The following FLRT1 variants were observed in gnomAD, a reference collection of about 807,000 sequenced individuals.
FLRT1 encodes fibronectin leucine rich transmembrane protein 1.
A neutral mutation model predicts 30.9 loss-of-function variants in FLRT1; 14 were observed. That is an observed-to-expected ratio of 0.45 (90% CI 0.30 to 0.71). The LOEUF (loss-of-function observed/expected upper bound fraction) is 0.71, where lower values mean the gene tolerates loss of function less well. Ranked by LOEUF, FLRT1 falls within the 30% of genes least tolerant of loss-of-function variation. The pLI is 0.08. For missense variants in FLRT1, 737 were observed against 949.2 expected (o/e 0.78, Z 2.94); for synonymous variants, 368 against 430.4 (o/e 0.85, Z 1.80).
At chr11:64,060,746 GT>G (rs1221088331) in intron 1 of FLRT1, 1 of 152,244 alleles carries the variant, frequency 6.6e-6, no homozygotes, top group African/African-American at 2.4e-5. Context: ...CGAGCCCACT[GT>G]ATTTTCACCG....
chr11:64,042,567 C>T (rs1943508320), intron 1 of FLRT1, among the ~76,000 whole-genome samples: 4 of 152,236 alleles, frequency 2.6e-5, no homozygotes, highest in Middle Eastern at 6.8e-3. Context: ...ACCCCCTTGG[C>T]TAGCCAATGG....
intron 1 of FLRT1, among the ~76,000 whole-genome samples, chr11:64,095,615 C>T (rs947477414): frequency 2.6e-5 from 4 of 152,154 alleles, no homozygotes; most frequent in African/African-American, 9.7e-5. Flanking sequence ...GAAGGAAAGG[C>T]GGCTTCCCCC....
rs114842554 is a variant in FLRT1 at position 64,089,168 on chromosome 11, G to A, written c.-1037-14026G>A. On this transcript the variant is annotated intron_variant, in intron 1 of 2. Coordinates refer to ENST00000682287, the MANE Select transcript of FLRT1 (RefSeq NM_013280.5). ...ACCAGCAGCCTTCCAGGCACAGGGC[G>A]GGTCGGGGAGTGATCTGACGGGACA... 4.1e-3 allele frequency among the ~76,000 whole-genome samples: 624 copies of A among 152,338 alleles called. 2 individuals are homozygous for A. Among genetic ancestry groups the A allele is most frequent in the African/African-American group, 0.014 (601 of 41,578 alleles).
rs189628278 is a variant in FLRT1 at position 64,076,833 on chromosome 11, C to T, written c.-1037-26361C>T. On this transcript the variant is annotated intron_variant, in intron 1 of 2. Coordinates refer to ENST00000682287, the MANE Select transcript of FLRT1 (RefSeq NM_013280.5). ...CCTACTGCGTGAGCAGCCCCCCGGT[C>T]CTCCTGCAAGCCTCTTCCTGCCTCC... Among the ~76,000 whole-genome samples the T allele has an allele frequency of 1.5e-3, 228 of 152,320 alleles. 1 individual carries two copies. Among genetic ancestry groups the T allele is most frequent in the Admixed American group, 6.9e-3 (106 of 15,310 alleles).
At chr11:64,041,546 C>T (rs1206934402) in intron 1 of FLRT1, among the ~76,000 whole-genome samples, 1 of 151,444 alleles carries the variant, frequency 6.6e-6, no homozygotes, top group Non-Finnish European at 1.5e-5. Context: ...TCTGAGTGGT[C>T]GCAGAGGTGG....
rs1944717954 is a variant in FLRT1 at position 64,104,149 on chromosome 11, C to T, written c.-82C>T. The T allele has an allele frequency of 6.6e-6, 1 of 152,318 alleles. No individual in the cohort carries two copies. Among genetic ancestry groups the T allele is most frequent in the African/African-American group, 2.4e-5 (1 of 41,440 alleles). The allele number at this position is 152,318 out of a possible 1,614,324, so 9.4% of individuals were successfully genotyped here. On this transcript the variant is annotated 5_prime_UTR_variant, in exon 2 of 3. Transcript: ENST00000682287. Reference sequence around the variant, plus strand: ...CTCCGGACCAGTGACCCCAGTCAAACCCAGAGGGTCTTGGGCGGCAGCGAC... The same window carrying T: ...CTCCGGACCAGTGACCCCAGTCAAATCCAGAGGGTCTTGGGCGGCAGCGAC...
chr11:64,043,233 T>C (rs1413234328), intron 1 of FLRT1, among the ~76,000 whole-genome samples: 1 of 152,178 alleles, frequency 6.6e-6, no homozygotes, highest in Non-Finnish European at 1.5e-5. Context: ...CTTTGGATCA[T>C]TGGACAGGCC....
At chr11:64,041,133 C>A (rs1271737396) in intron 1 of FLRT1, among the ~76,000 whole-genome samples, 1 of 146,502 alleles carries the variant, frequency 6.8e-6, no homozygotes, top group African/African-American at 2.5e-5. Flanking sequence ...ATTTTTTTCA[C>A]GCCCCTTTCC....
chr11:64,043,045 C>T (rs985843448), intron 1 of FLRT1, among the ~76,000 whole-genome samples: 3 of 152,196 alleles, frequency 2.0e-5, no homozygotes, highest in Non-Finnish European at 2.9e-5. Context: ...AACTTGGGCT[C>T]GAAGCCCACC....
At chr11:64,095,200 T>TA (rs1255648820) in intron 1 of FLRT1, among the ~76,000 whole-genome samples, 1 of 152,220 alleles carries the variant, frequency 6.6e-6, no homozygotes, top group Non-Finnish European at 1.5e-5. Flanking sequence ...TTTATTTATT[T>TA]AAAATAGTCT....
At position 64,117,440 on chromosome 11, in the gene FLRT1, T is replaced by C. The variant is rs2134621770; in HGVS notation, c.1173T>C (p.Ala391=). The change falls in exon 3 of 3, where the codon GCT becomes GCC. Residue 391 remains alanine (A), a synonymous_variant. Coordinates refer to ENST00000682287, the MANE Select transcript of FLRT1 (RefSeq NM_013280.5). The part of the protein sequence containing the change: ...TGPQGGVANA[A]AKTTASNHAS... ...CGCAGGGCGGCGTGGCCAATGCGGC[T>C]GCCAAGACCACGGCCAGCAACCACG... 6.2e-7 allele frequency: 1 copy of C among 1,612,920 alleles called. No individual in the cohort carries two copies.
At chr11:64,092,144 C>T (rs997401247) in intron 1 of FLRT1, among the ~76,000 whole-genome samples, 2 of 152,220 alleles carry the variant, frequency 1.3e-5, no homozygotes, top group Non-Finnish European at 2.9e-5. Context: ...TTAGGGTCGC[C>T]GTGGCATCCC....
At chr11:64,091,639 CAG>C (rs1295474390) in intron 1 of FLRT1, among the ~76,000 whole-genome samples, 1 of 152,164 alleles carries the variant, frequency 6.6e-6, no homozygotes, top group East Asian at 1.9e-4. Flanking sequence ...CCCCATCCGA[CAG>C]ATAAGGAGAC....
At chr11:64,054,940 G>A (rs900389772) in intron 1 of FLRT1, among the ~76,000 whole-genome samples, 2 of 151,956 alleles carry the variant, frequency 1.3e-5, no homozygotes, top group Non-Finnish European at 2.9e-5. Flanking sequence ...GCTCTTCACC[G>A]CTGAATTTCT....
At position 64,036,427 on chromosome 11, in the gene FLRT1, C is replaced by T. The variant is rs929440443; in HGVS notation, c.-1038+268C>T. On this transcript the variant is annotated intron_variant, in intron 1 of 2. Coordinates refer to ENST00000682287, the MANE Select transcript of FLRT1 (RefSeq NM_013280.5). This position sits in a 1 kb window ranked among gnomAD's most constrained non-coding sequence, Gnocchi z 5.6. ...TGCGCGGCCGGCGGCTCAGCTCTCC[C>T]GAGCCGAGGCTGGAAAGGGCGGGGG... is the stretch of plus-strand genomic sequence containing the variant. Among the ~76,000 whole-genome samples, 1 of 152,166 alleles carries T rather than the reference C, an allele frequency of 6.6e-6. No homozygotes were observed. Among genetic ancestry groups the T allele is most frequent in the Non-Finnish European group, 1.5e-5 (1 of 68,010 alleles).
intron 1 of FLRT1, among the ~76,000 whole-genome samples, chr11:64,068,529 T>C (rs552180085): frequency 5.9e-5 from 9 of 152,368 alleles, no homozygotes; most frequent in African/African-American, 1.9e-4. Flanking sequence ...TTGTCTCCCT[T>C]GCACATATTT....
In FLRT1 at chr11:64,074,032, C is replaced by T. The variant is rs894952882; in HGVS notation, c.-1037-29162C>T. On this transcript the variant is annotated intron_variant, in intron 1 of 2. Transcript: ENST00000682287. ...GCCCTGAGTCCCCAGCATGTCTGCTCCAGGGCCACTGTCAGCCCGGCCAGC... is the reference window on the plus strand; with the variant it reads ...GCCCTGAGTCCCCAGCATGTCTGCTTCAGGGCCACTGTCAGCCCGGCCAGC... 2.0e-5 allele frequency among the ~76,000 whole-genome samples: 3 copies of T among 152,180 alleles called. No individual in the cohort carries two copies. In the South Asian group the frequency reaches 6.2e-4, roughly 31 times the overall value.
At position 64,115,020 on chromosome 11, in the gene FLRT1, T is replaced by C. The variant is rs1855767236; in HGVS notation, c.-49-1199T>C. Among the ~76,000 whole-genome samples, 3 of 152,326 alleles carry C rather than the reference T, an allele frequency of 2.0e-5. No individual in the cohort carries two copies. In the South Asian group the frequency reaches 6.2e-4, roughly 32 times the overall value. On this transcript the variant is annotated intron_variant, in intron 2 of 2. Transcript: ENST00000682287. Reference sequence around the variant, plus strand: ...TGGGGCATGAAAATAAGGTCCCTGCTGGCTCAGTGAGCAGGTGCCGGCTCT... The same window carrying C: ...TGGGGCATGAAAATAAGGTCCCTGCCGGCTCAGTGAGCAGGTGCCGGCTCT...
chr11:64,058,041 G>T (rs963171693), intron 1 of FLRT1, among the ~76,000 whole-genome samples: 1 of 152,212 alleles, frequency 6.6e-6, no homozygotes, highest in African/African-American at 2.4e-5. Flanking sequence ...TGAGTAATGC[G>T]CAATGTAATC....
Sources: allele counts gnomAD v4.1 joint callset (sites outside exome capture counted in the v4.1 genomes callset), GRCh38; gene constraint gnomAD v4.1.1; non-coding constraint Gnocchi (gnomAD v3.1); transcripts MANE v1.5; gene names NCBI Gene and HGNC (gene_info 2026-07-23, HGNC 2026-07-21).